The following ANKRD30BL variants were observed in gnomAD, a reference collection of about 807,000 sequenced individuals.
ANKRD30BL encodes the protein ankyrin repeat domain 30B like, also known as putative ankyrin repeat domain-containing protein 30B-like.
A neutral mutation model predicts 18.4 loss-of-function variants in ANKRD30BL; 20 were observed. That is an observed-to-expected ratio of 1.09 (90% CI 0.77 to 1.58). The LOEUF is 1.58. Among genes scored for constraint, ANKRD30BL ranks in the 40% most tolerant of loss-of-function variants. ANKRD30BL has a pLI of 0.00. For synonymous variants in ANKRD30BL, 72 were observed against 100.9 expected (o/e 0.71, Z 1.72); for missense variants, 224 against 268.6 (o/e 0.83, Z 1.16).
At chr2:132,220,758 G>A (rs1009533351) in intron 1 of ANKRD30BL, among the ~76,000 whole-genome samples, 10 of 152,012 alleles carry the variant, frequency 6.6e-5, no homozygotes, top group South Asian at 4.1e-4. Context: ...CCAAAGAGCC[G>A]AGATTGCAGC....
chr2:132,239,146 G>A (rs190449365), intron 1 of ANKRD30BL, among the ~76,000 whole-genome samples: 2 of 151,580 alleles, frequency 1.3e-5, no homozygotes, highest in Middle Eastern at 3.5e-3. Flanking sequence ...AAAAACTAGA[G>A]AGAAGCATTC....
intron 1 of ANKRD30BL, among the ~76,000 whole-genome samples, chr2:132,169,726 G>GA (rs1688246900): frequency 6.6e-6 from 1 of 151,514 alleles, no homozygotes; most frequent in African/African-American, 2.4e-5. Context: ...ACTGTAATAG[G>GA]AAATTGCAGA....
At chr2:132,215,704 A>T (rs978269285) in intron 1 of ANKRD30BL, among the ~76,000 whole-genome samples, 2 of 151,302 alleles carry the variant, frequency 1.3e-5, no homozygotes, top group African/African-American at 2.4e-5. Context: ...TCTTCACATA[A>T]ATATTAGACA....
intron 1 of ANKRD30BL, among the ~76,000 whole-genome samples, chr2:132,247,888 G>C (rs78597417): frequency 6.6e-6 from 1 of 152,034 alleles, no homozygotes; most frequent in African/African-American, 2.4e-5. Context: ...ATGTCAGAAA[G>C]AAGTTTCTCA....
At chr2:132,164,062 C>T (rs1166280462), upstream of ANKRD30BL, among the ~76,000 whole-genome samples, 1 of 152,066 alleles carries the variant, frequency 6.6e-6, no homozygotes, top group Non-Finnish European at 1.5e-5. Context: ...ATGTAACCTC[C>T]CACTTTAATA....
chr2:132,203,076 C>A (rs918532974), intron 1 of ANKRD30BL, among the ~76,000 whole-genome samples: 1 of 149,516 alleles, frequency 6.7e-6, no homozygotes, highest in Non-Finnish European at 1.5e-5. Flanking sequence ...TTTTGTAGCC[C>A]GTTCTATTTT....
chr2:132,197,129 G>T (rs1678985416), intron 1 of ANKRD30BL, among the ~76,000 whole-genome samples: 1 of 152,246 alleles, frequency 6.6e-6, no homozygotes, highest in Non-Finnish European at 1.5e-5. Context: ...CACTGGCAAT[G>T]CCTTCACTAT....
chr2:132,153,731 G>A (rs552237691), intron 4 of ANKRD30BL: 10 of 1,055,604 alleles, frequency 9.5e-6, no homozygotes, highest in Middle Eastern at 3.0e-4. Flanking sequence ...TATTAGGAAC[G>A]AACGAATTTA....
chr2:132,168,678 T>C (rs1688227038), intron 1 of ANKRD30BL, among the ~76,000 whole-genome samples: 1 of 152,164 alleles, frequency 6.6e-6, no homozygotes, highest in Non-Finnish European at 1.5e-5. Flanking sequence ...TAAGAATGTA[T>C]TGTATACTTG....
chr2:132,210,578 C>T (rs1317987435), intron 1 of ANKRD30BL, among the ~76,000 whole-genome samples: 4 of 151,758 alleles, frequency 2.6e-5, no homozygotes, highest in Non-Finnish European at 5.9e-5. Context: ...TGAGAAACTA[C>T]TTTGTGATGT....
chr2:132,219,717 A>T (rs1445496726), intron 1 of ANKRD30BL, among the ~76,000 whole-genome samples: 5 of 152,152 alleles, frequency 3.3e-5, no homozygotes, highest in African/African-American at 1.2e-4. Flanking sequence ...TATTCAACTG[A>T]CAGAGTTGAA....
At chr2:132,229,121 A>C (rs578056984) in intron 1 of ANKRD30BL, among the ~76,000 whole-genome samples, 2 of 152,106 alleles carry the variant, frequency 1.3e-5, no homozygotes, top group Admixed American at 1.3e-4. Flanking sequence ...TTCATGTAAA[A>C]AGTACATAGA....
chr2:132,225,987 C>T (rs1158098099), intron 1 of ANKRD30BL, among the ~76,000 whole-genome samples: 1 of 151,868 alleles, frequency 6.6e-6, no homozygotes, highest in Non-Finnish European at 1.5e-5. Context: ...CCCTTTGAGG[C>T]CTATGTTGGA....
intron 1 of ANKRD30BL, among the ~76,000 whole-genome samples, chr2:132,241,901 T>C (rs199569103): frequency 6.7e-6 from 1 of 150,238 alleles, no homozygotes; most frequent in Non-Finnish European, 1.5e-5. Flanking sequence ...TTCTTTGTGA[T>C]GATTGCATTC....
intron 1 of ANKRD30BL, among the ~76,000 whole-genome samples, chr2:132,193,665 G>C (rs201487635): frequency 2.0e-5 from 3 of 152,124 alleles, no homozygotes; most frequent in African/African-American, 7.2e-5. Flanking sequence ...TATGCTAAAG[G>C]AGACATTCTG....
chr2:132,169,236 T>C (rs1688236687), intron 1 of ANKRD30BL, among the ~76,000 whole-genome samples: 1 of 152,242 alleles, frequency 6.6e-6, no homozygotes, highest in African/African-American at 2.4e-5. Context: ...CTAAAATAAA[T>C]TGGGTTTCTT....
intron 1 of ANKRD30BL, among the ~76,000 whole-genome samples, chr2:132,205,286 G>A (rs4441530): frequency 3.3e-5 from 5 of 151,818 alleles, no homozygotes; most frequent in South Asian, 4.1e-4. Flanking sequence ...CACAGTGGAC[G>A]TGAAAAAACT....
intron 1 of ANKRD30BL, among the ~76,000 whole-genome samples, chr2:132,230,660 G>C (rs1310206473): frequency 6.6e-6 from 1 of 152,106 alleles, no homozygotes; most frequent in East Asian, 1.9e-4. Context: ...ATAAAAACTA[G>C]ACAGAAGCAT....
chr2:132,235,728 A>G (rs1248406871), intron 1 of ANKRD30BL, among the ~76,000 whole-genome samples: 1 of 152,188 alleles, frequency 6.6e-6, no homozygotes, highest in Non-Finnish European at 1.5e-5. Context: ...GCTCATGGGT[A>G]GGAAGAATCA....
Sources: allele counts gnomAD v4.1 joint callset (sites outside exome capture counted in the v4.1 genomes callset), GRCh38; gene constraint gnomAD v4.1.1; transcripts MANE v1.5; gene names NCBI Gene and HGNC (gene_info 2026-07-23, HGNC 2026-07-21).